Variants in TTC29 observed in about 807,000 individuals in gnomAD.
TTC29 encodes tetratricopeptide repeat protein 29.
In TTC29, 49 loss-of-function variants were observed where a neutral mutation model predicts 58.1. That is an observed-to-expected ratio of 0.84 (90% CI 0.67 to 1.07). The LOEUF (loss-of-function observed/expected upper bound fraction) is 1.07. TTC29 is among the 50% of genes least tolerant of loss of function. The pLI, the probability that TTC29 is intolerant of heterozygous loss-of-function variation, is 0.00. For synonymous variants in TTC29, 209 were observed against 196.8 expected, an observed-to-expected ratio of 1.06 and a Z score of -0.52; for missense variants, 582 against 555.6, an observed-to-expected ratio of 1.05 and a Z score of -0.48.
intron 6 of TTC29, among the ~76,000 whole-genome samples, chr4:146,881,579 T>C (rs1731627442): frequency 6.6e-6 from 1 of 152,120 alleles, no homozygotes; most frequent in Non-Finnish European, 1.5e-5. Flanking sequence ...AAAATGTTAT[T>C]GCCCCTTTGC....
At chr4:146,731,331 G>C (rs1744318410) in intron 11 of TTC29, among the ~76,000 whole-genome samples, 1 of 152,102 alleles carries the variant, frequency 6.6e-6, no homozygotes, top group Admixed American at 6.6e-5. Flanking sequence ...GGCTGGGAGA[G>C]AGGGAGAGAG....
chr4:146,740,242 G>A (rs1010079599), intron 11 of TTC29, among the ~76,000 whole-genome samples: 1 of 152,124 alleles, frequency 6.6e-6, no homozygotes, highest in Non-Finnish European at 1.5e-5. Context: ...AGTAATGGTG[G>A]CTGCAAACTA....
intron 11 of TTC29, among the ~76,000 whole-genome samples, chr4:146,774,690 T>C (rs1362152839): frequency 6.6e-6 from 1 of 152,174 alleles, no homozygotes; most frequent in East Asian, 1.9e-4. Context: ...AGAATGTATA[T>C]TCTGTTGTTT....
At chr4:146,787,647 C>T (rs1272613755) in intron 11 of TTC29, among the ~76,000 whole-genome samples, 4 of 152,188 alleles carry the variant, frequency 2.6e-5, no homozygotes, top group Non-Finnish European at 5.9e-5. Flanking sequence ...TGCAGCTTCA[C>T]CGTCCCAAGT....
intron 6 of TTC29, among the ~76,000 whole-genome samples, chr4:146,891,275 T>G (rs1732341605): frequency 6.6e-6 from 1 of 152,190 alleles, no homozygotes; most frequent in Admixed American, 6.5e-5. Context: ...AAATATATAA[T>G]GTTGATTTAT....
intron 11 of TTC29, among the ~76,000 whole-genome samples, chr4:146,759,432 C>A (rs1056513595): frequency 1.3e-5 from 2 of 152,178 alleles, no homozygotes; most frequent in East Asian, 3.9e-4. Context: ...CTAATTCATT[C>A]TATGAAGCCA....
At chr4:146,844,529 C>T (rs1729043494) in intron 8 of TTC29, among the ~76,000 whole-genome samples, 3 of 152,026 alleles carry the variant, frequency 2.0e-5, no homozygotes, top group African/African-American at 7.2e-5. Context: ...TAGCTCTTAA[C>T]CTTCTTTTTT....
intron 10 of TTC29, among the ~76,000 whole-genome samples, chr4:146,819,000 A>G (rs1308381065): frequency 2.6e-5 from 4 of 151,978 alleles, no homozygotes; most frequent in Non-Finnish European, 4.4e-5. Flanking sequence ...GAGTTACCTA[A>G]TGCTAAATGA....
At chr4:146,723,567 A>G (rs900415635) in intron 11 of TTC29, among the ~76,000 whole-genome samples, 1 of 152,230 alleles carries the variant, frequency 6.6e-6, no homozygotes, top group African/African-American at 2.4e-5. Context: ...AAAGTGGGCA[A>G]ATGACATGAA....
chr4:146,714,703 C>T (rs1423412753), intron 11 of TTC29, among the ~76,000 whole-genome samples: 1 of 151,864 alleles, frequency 6.6e-6, no homozygotes, highest in Admixed American at 6.6e-5. Flanking sequence ...AAAGCTGAAG[C>T]AATTCATTAG....
chr4:146,722,336 C>T (rs1367112971), intron 11 of TTC29, among the ~76,000 whole-genome samples: 1 of 151,986 alleles, frequency 6.6e-6, no homozygotes, highest in Admixed American at 6.6e-5. Flanking sequence ...TCATACAGAA[C>T]CAAAAAAGAG....
chr4:146,869,893 T>TA (rs1730817912), intron 7 of TTC29, among the ~76,000 whole-genome samples: 2 of 151,902 alleles, frequency 1.3e-5, no homozygotes, highest in African/African-American at 2.4e-5. Flanking sequence ...AAGAATAGGA[T>TA]TAAAAACAAC....
chr4:146,927,931 C>T (rs970955353), intron 4 of TTC29, among the ~76,000 whole-genome samples: 1 of 152,098 alleles, frequency 6.6e-6, no homozygotes, highest in Admixed American at 6.6e-5. Context: ...CACATACGAG[C>T]AGAGCAGCAA....
intron 11 of TTC29, among the ~76,000 whole-genome samples, chr4:146,714,582 TAAAGTACGAAAAGAA>T (rs1440140365): frequency 6.8e-6 from 1 of 147,746 alleles, no homozygotes; most frequent in East Asian, 2.0e-4. Flanking sequence ...TTAAGAAACT[TAAAGTACGAAAAGAA>T]AAAGAAAAAA....
intron 10 of TTC29, among the ~76,000 whole-genome samples, chr4:146,806,845 C>T (rs1036342921): frequency 1.3e-5 from 2 of 152,112 alleles, no homozygotes; most frequent in African/African-American, 4.8e-5. Flanking sequence ...AGAAAATTAA[C>T]AAAGATATTC....
intron 5 of TTC29, among the ~76,000 whole-genome samples, chr4:146,908,703 C>T (rs774366062): frequency 4.6e-5 from 7 of 152,034 alleles, no homozygotes; most frequent in Admixed American, 6.6e-5. Context: ...ATTCAGATTA[C>T]GTATACAGAA....
chr4:146,904,516 G>A (rs1733392348), intron 5 of TTC29, among the ~76,000 whole-genome samples: 1 of 152,076 alleles, frequency 6.6e-6, no homozygotes, highest in Non-Finnish European at 1.5e-5. Flanking sequence ...CACTGTGATA[G>A]TAAACCTGAA....
intron 11 of TTC29, among the ~76,000 whole-genome samples, chr4:146,728,815 GTGTA>G (rs1744045632): frequency 2.1e-5 from 1 of 47,728 alleles, no homozygotes; most frequent in Admixed American, 2.6e-4. Context: ...ACATATATAT[GTGTA>G]TATATACATA....
intron 6 of TTC29, among the ~76,000 whole-genome samples, chr4:146,899,574 C>T (rs1343861933): frequency 6.6e-6 from 1 of 152,132 alleles, no homozygotes; most frequent in Non-Finnish European, 1.5e-5. Context: ...CAAAGGGAAC[C>T]AGGCCATGCC....
Sources: allele counts gnomAD v4.1 joint callset (sites outside exome capture counted in the v4.1 genomes callset), GRCh38; gene constraint gnomAD v4.1.1; transcripts MANE v1.5; gene names NCBI Gene and HGNC (gene_info 2026-07-23, HGNC 2026-07-21).